Variants in MN1 observed in about 807,000 individuals in gnomAD.
The protein encoded by MN1 is transcriptional activator MN1.
MN1 carries 19 observed loss-of-function variants against 86.9 expected under a neutral mutation model. The ratio of observed to expected loss-of-function variants is 0.22; its 90% CI spans 0.15 to 0.32. The LOEUF is 0.32. Ranked by LOEUF, MN1 falls within the 10% of genes least tolerant of loss-of-function variation. The pLI, the probability that MN1 is intolerant of heterozygous loss-of-function variation, is 1.00. For synonymous variants in MN1, 928 were observed against 849.6 expected, an observed-to-expected ratio of 1.09 and a Z score of -1.60; for missense variants, 1,841 against 1,862.0, an observed-to-expected ratio of 0.99 and a Z score of 0.21.
At chr22:27,791,352 C>T (rs1202061067) in intron 1 of MN1, among the ~76,000 whole-genome samples, 2 of 152,030 alleles carry the variant, frequency 1.3e-5, no homozygotes, top group Non-Finnish European at 2.9e-5. Context: ...CCACCAAGAG[C>T]GATCAAATCC....
Position 27,777,185 on chromosome 22 carries a change from C to T in MN1, c.3781+19578G>A, listed in dbSNP as rs943379751. Among the ~76,000 whole-genome samples, 9 of 152,150 alleles carry T rather than the reference C, an allele frequency of 5.9e-5. No homozygotes were observed. In the East Asian group the frequency reaches 1.2e-3, roughly 20 times the overall value. The stretch of plus-strand genomic sequence containing the variant: ...GAAAGCAAAATCGAGATGAAACCTC[C>T]GGTCAAATGGGTTTGCTCACCATAG... On this transcript the variant is annotated intron_variant, in intron 1 of 1. Coordinates refer to ENST00000302326, the MANE Select transcript of MN1 (RefSeq NM_002430.3).
At position 27,800,095 on chromosome 22, in the gene MN1, G is replaced by T. The variant is rs1933403605; in HGVS notation, c.449C>A (p.Ala150Asp). The change falls in exon 1 of 2, where the codon GCC becomes GAC. Residue 150 changes from alanine to aspartate, a missense_variant. Ala to Asp is a moderately radical substitution (Grantham distance 126). Transcript: ENST00000302326. ...CTCCGCCATGTGCTCATAGCCCTCG[G>T]CGAAGGGCGGCTGGCTGCCCAGGCC... is the stretch of plus-strand genomic sequence containing the variant. The part of the protein sequence containing the change: ...AGGLGSQPPF[A>D]EGYEHMAESQ... The T allele has an allele frequency of 6.3e-7, 1 of 1,588,432 alleles. No individual in the cohort carries two copies. Among genetic ancestry groups the T allele is most frequent in the South Asian group, 1.1e-5 (1 of 89,568 alleles).
At chr22:27,788,731 G>A (rs1326395116) in intron 1 of MN1, among the ~76,000 whole-genome samples, 4 of 151,866 alleles carry the variant, frequency 2.6e-5, no homozygotes, top group African/African-American at 7.3e-5. Context: ...ACGCATGTGC[G>A]CATGCGTGGA....
In MN1 at chr22:27,796,977, G is replaced by A. The variant is rs1933307611; in HGVS notation, c.3567C>T (p.Ala1189=). 1.9e-6 allele frequency: 3 copies of A among 1,612,202 alleles called. No homozygotes were observed. Among genetic ancestry groups the A allele is most frequent in the South Asian group, 2.2e-5 (2 of 91,012 alleles). ...CGCTGTCGCCATTCTGCGCCCCTGAGGCCCCGACGGCGCACTCACCCTTCT... is the reference window on the plus strand; with the variant it reads ...CGCTGTCGCCATTCTGCGCCCCTGAAGCCCCGACGGCGCACTCACCCTTCT... ...GGKKGECAVG[A]SGAQNGDSEL... Residue 1189 remains alanine (A), a synonymous_variant, in exon 1 of 2, where the codon GCC becomes GCT. Coordinates refer to ENST00000302326, the MANE Select transcript of MN1 (RefSeq NM_002430.3).
rs1020489717 is a variant in MN1, at chr22:27,801,737, G to C, written c.-1194C>G. Among the ~76,000 whole-genome samples the C allele has an allele frequency of 6.6e-6, 1 of 152,214 alleles. No homozygotes were observed. The highest frequency in any genetic ancestry group is 1.5e-5 in the Non-Finnish European group (1 of 68,028). On this transcript the variant is annotated 5_prime_UTR_variant, in exon 1 of 2. Transcript: ENST00000302326. ...CCTCTCTGTGTCTGCCTCTCGCCCA[G>C]CGCCGGGAGAAGCAGCAACAAGTTT...
chr22:27,791,793 C>T (rs1021815556), intron 1 of MN1: 1 of 152,180 alleles, frequency 6.6e-6, no homozygotes, highest in Non-Finnish European at 1.5e-5. Context: ...GCTGATCACT[C>T]CCTGGGCAAA....
chr22:27,759,468 C>T (rs9625322), intron 1 of MN1, among the ~76,000 whole-genome samples: 4,317 of 152,234 alleles, frequency 0.028, 216 homozygotes, highest in African/African-American at 0.099. Context: ...CGGTTGGCTC[C>T]CACCCCAACC....
chr22:27,757,482 A>G (rs1327941536), intron 1 of MN1, among the ~76,000 whole-genome samples: 1 of 152,236 alleles, frequency 6.6e-6, no homozygotes, highest in African/African-American at 2.4e-5. Context: ...GAGCTTGAGA[A>G]TGAGAATTCC....
At position 27,798,568 on chromosome 22, in the gene MN1, T is replaced by C; in HGVS notation, c.1976A>G (p.His659Arg). 6.5e-7 allele frequency: 1 copy of C among 1,534,780 alleles called. No individual in the cohort carries two copies. Among genetic ancestry groups the C allele is most frequent in the South Asian group, 1.2e-5 (1 of 81,168 alleles). The change falls in exon 1 of 2, where the codon CAC becomes CGC. Residue 659 changes from histidine to arginine, a missense_variant. Transcript: ENST00000302326. Reference sequence around the variant, plus strand: ...AGGAGGGGGCGCCAGGCTGGGGTCGTGCGGGCCACAGTCAGCGGGCAGACC... The same window carrying C: ...AGGAGGGGGCGCCAGGCTGGGGTCGCGCGGGCCACAGTCAGCGGGCAGACC... Reference protein sequence around the residue: ...GSGLPADCGPHDPSLAPPPPP... With the variant: ...GSGLPADCGPRDPSLAPPPPP...
rs776458491 is a variant in MN1 at position 27,799,233 on chromosome 22, C to A, written c.1311G>T (p.Ala437=). 5 of 1,594,686 alleles carry A rather than the reference C, an allele frequency of 3.1e-6. No homozygotes were observed. The highest frequency in any genetic ancestry group is 3.4e-6 in the Non-Finnish European group (4 of 1,168,686). Residue 437 remains alanine (A), a synonymous_variant, in exon 1 of 2, where the codon GCG becomes GCT. Transcript: ENST00000302326. ...CGAAATGCTGCAGCCGCTGGTTGGGCGCCTGCTGCGGAGGAGGATGCTGCA... is the reference window on the plus strand; with the variant it reads ...CGAAATGCTGCAGCCGCTGGTTGGGAGCCTGCTGCGGAGGAGGATGCTGCA... ...FSMQHPPPQQ[A]PNQRLQHFDA... is the part of the protein sequence containing the mutation.
In MN1 at chr22:27,797,988, G is replaced by A. The variant is rs754307083; in HGVS notation, c.2556C>T (p.Asn852=). ...PNLNVTFNKK[N]PPEGKRKLSQ... ...TCAGTTTCCTCTTGCCCTCTGGCGGGTTCTTCTTGTTGAAGGTCACGTTGA... is the reference window on the plus strand; with the variant it reads ...TCAGTTTCCTCTTGCCCTCTGGCGGATTCTTCTTGTTGAAGGTCACGTTGA... The change falls in exon 1 of 2, where the codon AAC becomes AAT. Residue 852 remains asparagine (N), a synonymous_variant. Transcript: ENST00000302326. 8 of 1,594,460 alleles carry A rather than the reference G, an allele frequency of 5.0e-6. No homozygotes were observed. In the Admixed American group the frequency reaches 1.4e-4, roughly 29 times the overall value.
At chr22:27,771,695 G>A (rs1932918237) in intron 1 of MN1, among the ~76,000 whole-genome samples, 1 of 152,198 alleles carries the variant, frequency 6.6e-6, no homozygotes, top group Non-Finnish European at 1.5e-5. Context: ...CAGGGAAAGG[G>A]ATAGGTAATT....
chr22:27,770,194 C>T (rs533724028), intron 1 of MN1, among the ~76,000 whole-genome samples: 10 of 152,346 alleles, frequency 6.6e-5, no homozygotes, highest in Non-Finnish European at 1.5e-5. Flanking sequence ...ATAGCTCCCA[C>T]AAGCCTCAGC....
At position 27,749,662 on chromosome 22, in the gene MN1, C is replaced by T. The variant is rs1478004621; in HGVS notation, c.*1253G>A. ...ATGTTGGGGAGGGGGCAGAGGAATT[C>T]CAGAGTTCAAAACTAAAAGGCGCAG... On this transcript the variant is annotated 3_prime_UTR_variant, in exon 2 of 2. Coordinates refer to ENST00000302326, the MANE Select transcript of MN1 (RefSeq NM_002430.3). The T allele has an allele frequency of 4.3e-6, 1 of 231,678 alleles. No homozygotes were observed. The highest frequency in any genetic ancestry group is 8.5e-6 in the Non-Finnish European group (1 of 117,148). 14.4% of individuals were successfully genotyped at this position (231,678 alleles called of 1,614,324 possible).
Position 27,796,748 on chromosome 22 carries a change from C to T in MN1, c.3781+15G>A, listed in dbSNP as rs565294792. The T allele has an allele frequency of 9.6e-6, 15 of 1,568,574 alleles. No individual in the cohort carries two copies. In the East Asian group the frequency reaches 1.1e-4, roughly 12 times the overall value. ...GGTCACCCGGGAAGTGAGAGGAAAACGAGTGTGCATATACCTTCTTTGCTG... is the reference window on the plus strand; with the variant it reads ...GGTCACCCGGGAAGTGAGAGGAAAATGAGTGTGCATATACCTTCTTTGCTG... On this transcript the variant is annotated intron_variant, in intron 1 of 1. Coordinates refer to ENST00000302326, the MANE Select transcript of MN1 (RefSeq NM_002430.3).
chr22:27,775,061 G>A (rs1932959948), intron 1 of MN1, among the ~76,000 whole-genome samples: 1 of 152,208 alleles, frequency 6.6e-6, no homozygotes. Context: ...CAGACCCAGT[G>A]GGCAGAAAGA....
chr22:27,786,382 C>A (rs935686487), intron 1 of MN1, among the ~76,000 whole-genome samples: 2 of 152,088 alleles, frequency 1.3e-5, no homozygotes, highest in African/African-American at 4.8e-5. Flanking sequence ...CTTATGCATA[C>A]TTTTTCTTCC....
intron 1 of MN1, among the ~76,000 whole-genome samples, chr22:27,776,574 C>T (rs1472051725): frequency 1.3e-5 from 2 of 152,182 alleles, no homozygotes; most frequent in Non-Finnish European, 2.9e-5. Flanking sequence ...CTGCCGGTCA[C>T]CTCGGCTTGG....
In MN1 at chr22:27,797,672, A is replaced by T; in HGVS notation, c.2872T>A (p.Phe958Ile). 1 of 1,606,010 alleles carries T rather than the reference A, an allele frequency of 6.2e-7. No individual in the cohort carries two copies. Among genetic ancestry groups the T allele is most frequent in the Non-Finnish European group, 8.5e-7 (1 of 1,176,862 alleles). The change falls in exon 1 of 2, where the codon TTC (phenylalanine) becomes ATC (isoleucine). Residue 958 changes from phenylalanine to isoleucine, a missense_variant. Coordinates refer to ENST00000302326, the MANE Select transcript of MN1 (RefSeq NM_002430.3). Reference sequence around the variant, plus strand: ...GGAGCCGCCGAGTACTTGTCAAAGAAGGTGCCAGGGCTCACGTGACCACTG... The same window carrying T: ...GGAGCCGCCGAGTACTTGTCAAAGATGGTGCCAGGGCTCACGTGACCACTG... ...RDSGHVSPGTFFDKYSAAPDS... is the reference protein window; with the variant it reads ...RDSGHVSPGTIFDKYSAAPDS...
Sources: gnomAD v4.1 joint callset for allele counts (sites outside exome capture counted in the v4.1 genomes callset) on GRCh38, gnomAD v4.1.1 for gene constraint, MANE v1.5 for transcripts, NCBI Gene and HGNC (gene_info 2026-07-23, HGNC 2026-07-21) for gene names.